Variants in RBFOX1 observed in about 807,000 individuals in gnomAD.
The protein encoded by RBFOX1 is RNA binding fox-1 homolog 1.
RBFOX1 carries 8 observed loss-of-function variants against 57.7 expected under a neutral mutation model. That is an observed-to-expected ratio of 0.14 (90% CI 0.08 to 0.25). The LOEUF is 0.25. RBFOX1 is among the 10% of genes least tolerant of loss of function. The pLI is 1.00. For synonymous variants in RBFOX1, 326 were observed against 222.4 expected (o/e 1.47, Z -4.15); for missense variants, 611 against 548.5 (o/e 1.11, Z -1.14).
At chr16:7,482,442 C>A (rs931076595) in intron 4 of RBFOX1, among the ~76,000 whole-genome samples, 1 of 150,126 alleles carries the variant, frequency 6.7e-6, no homozygotes. Context: ...CCTTATACCT[C>A]TTCAGCCCCT....
intron 3 of RBFOX1, among the ~76,000 whole-genome samples, chr16:6,675,590 C>G (rs1438878525): frequency 6.6e-6 from 1 of 152,134 alleles, no homozygotes; most frequent in Admixed American, 6.5e-5. Context: ...GTACCTGAGA[C>G]TGGGTAATTT....
chr16:6,662,591 T>G (rs2098708368), intron 3 of RBFOX1, among the ~76,000 whole-genome samples: 1 of 152,044 alleles, frequency 6.6e-6, no homozygotes. Context: ...GGGAAGTTAT[T>G]TCCTTGTCAA....
chr16:5,561,449 T>G (rs1346138090), intron 2 of RBFOX1, among the ~76,000 whole-genome samples: 4 of 152,176 alleles, frequency 2.6e-5, no homozygotes, highest in Non-Finnish European at 5.9e-5. Flanking sequence ...AGACATTCTC[T>G]TTCTTTCCTG....
chr16:6,670,548 G>A (rs961367523), intron 3 of RBFOX1, among the ~76,000 whole-genome samples: 2 of 152,086 alleles, frequency 1.3e-5, no homozygotes, highest in Admixed American at 6.5e-5. Flanking sequence ...GAAAGCATAA[G>A]TAGACTTAAA....
chr16:7,406,060 A>C (rs561314743), intron 4 of RBFOX1, among the ~76,000 whole-genome samples: 1 of 152,218 alleles, frequency 6.6e-6, no homozygotes, highest in African/African-American at 2.4e-5. Flanking sequence ...AATATTGGCA[A>C]TAGTGAAGGG....
intron 4 of RBFOX1, among the ~76,000 whole-genome samples, chr16:7,200,368 C>A (rs1028081297): frequency 6.6e-6 from 1 of 152,336 alleles, no homozygotes; most frequent in South Asian, 2.1e-4. Context: ...AGGAAGCACG[C>A]ATGTGCATCG....
chr16:7,110,374 C>T (rs1270140000), intron 4 of RBFOX1, among the ~76,000 whole-genome samples: 1 of 146,652 alleles, frequency 6.8e-6, no homozygotes, highest in Non-Finnish European at 1.5e-5. Context: ...AAAAAAAGAT[C>T]GTTCCCACTT....
At chr16:7,638,101 C>T (rs2062072850) in intron 11 of RBFOX1, among the ~76,000 whole-genome samples, 1 of 152,090 alleles carries the variant, frequency 6.6e-6, no homozygotes, top group African/African-American at 2.4e-5. Context: ...TTGGTGTTTC[C>T]TCCCTTCCAC....
chr16:6,957,651 C>G lies in RBFOX1; in HGVS notation c.-15-94406C>G, dbSNP rs114864928. ...TATGACCCGTATCTTGTGCCGACAT[C>G]CTGTCTCATCTTGTGACTTAGAATG... On this transcript the variant is annotated intron_variant, in intron 3 of 15. Coordinates refer to ENST00000550418, the MANE Select transcript of RBFOX1 (RefSeq NM_018723.4). 8.6e-3 allele frequency among the ~76,000 whole-genome samples: 1,310 copies of G among 152,192 alleles called. 21 individuals carry two copies. Among genetic ancestry groups the G allele is most frequent in the African/African-American group, 0.03 (1,251 of 41,522 alleles).
intron 14 of RBFOX1, among the ~76,000 whole-genome samples, chr16:7,708,089 C>T (rs1261336589): frequency 6.6e-6 from 1 of 152,110 alleles, no homozygotes; most frequent in Non-Finnish European, 1.5e-5. Context: ...GCCTGTAATC[C>T]TAACACTGAG....
chr16:6,866,631 T>A (rs1433340102), intron 3 of RBFOX1, among the ~76,000 whole-genome samples: 1 of 135,404 alleles, frequency 7.4e-6, no homozygotes, highest in Non-Finnish European at 1.5e-5. Flanking sequence ...AAGCTCCGCC[T>A]CCCCGGTTCA....
intron 1 of RBFOX1, among the ~76,000 whole-genome samples, chr16:6,183,198 G>T (rs2152794678): frequency 6.6e-6 from 1 of 151,992 alleles, no homozygotes; most frequent in East Asian, 1.9e-4. Flanking sequence ...AAGGTAAGGA[G>T]GGCTGGGTTC....
chr16:7,151,576 A>G (rs1585722), intron 4 of RBFOX1, among the ~76,000 whole-genome samples: 8 of 152,134 alleles, frequency 5.3e-5, no homozygotes, highest in South Asian at 4.2e-4. Flanking sequence ...ATGGAAGACA[A>G]TTTTTTCCAG....
chr16:6,767,166 G>A (rs557791131), intron 3 of RBFOX1, among the ~76,000 whole-genome samples: 4 of 151,952 alleles, frequency 2.6e-5, no homozygotes, highest in East Asian at 3.9e-4. Context: ...GCTCCTTACC[G>A]AGCTCTAGAG....
At chr16:6,221,486 A>G (rs557366072) in intron 1 of RBFOX1, among the ~76,000 whole-genome samples, 2 of 152,284 alleles carry the variant, frequency 1.3e-5, no homozygotes, top group South Asian at 2.1e-4. Context: ...ACATATTTCC[A>G]AAGACTGTAT....
intron 4 of RBFOX1, among the ~76,000 whole-genome samples, chr16:7,099,187 A>G (rs1276219537): frequency 6.6e-6 from 1 of 152,214 alleles, no homozygotes; most frequent in Admixed American, 6.5e-5. Context: ...CATTACAAAA[A>G]AACTGAGTAC....
At chr16:5,550,990 C>T (rs535146434) in intron 2 of RBFOX1, among the ~76,000 whole-genome samples, 1 of 152,302 alleles carries the variant, frequency 6.6e-6, no homozygotes, top group East Asian at 1.9e-4. Context: ...TGTCTTATTT[C>T]TGGCCCATAA....
chr16:6,948,727 GT>G (rs2080088549), intron 3 of RBFOX1, among the ~76,000 whole-genome samples: 2 of 152,046 alleles, frequency 1.3e-5, no homozygotes, highest in African/African-American at 4.8e-5. Context: ...ATTTGACTAT[GT>G]TTTGAAATGT....
At position 6,986,157 on chromosome 16, in the gene RBFOX1, ACG is replaced by A. The variant is rs1416990099; in HGVS notation, c.-15-65899_-15-65898del. Among the ~76,000 whole-genome samples the A allele has an allele frequency of 6.6e-3, 791 of 120,270 alleles. 5 individuals carry two copies. The highest frequency in any genetic ancestry group is 0.021 in the African/African-American group (526 of 24,868). The allele number at this position is 120,270 out of a possible 152,430, so 78.9% of individuals were successfully genotyped here. ...AAGACTTGTACAATAACCCTTATAT[ACG>A]TCTACCAGAATCACCAATTTCTATT... On this transcript the variant is annotated intron_variant, in intron 3 of 15. Transcript: ENST00000550418.
Sources: allele counts gnomAD v4.1 joint callset (sites outside exome capture counted in the v4.1 genomes callset), GRCh38; gene constraint gnomAD v4.1.1; transcripts MANE v1.5; gene names NCBI Gene and HGNC (gene_info 2026-07-23, HGNC 2026-07-21).